Variants in SORBS2 observed in about 807,000 individuals in gnomAD.
SORBS2 encodes sorbin and SH3 domain-containing protein 2.
A neutral mutation model predicts 97.7 loss-of-function variants in SORBS2; 46 were observed. The observed-to-expected ratio is 0.47, with a 90% CI of 0.37 to 0.60. The LOEUF is 0.60. Ranked by LOEUF, SORBS2 falls within the 20% of genes least tolerant of loss-of-function variation. SORBS2 has a pLI of 0.00. For missense variants in SORBS2, 1,316 were observed against 1,282.3 expected, an observed-to-expected ratio of 1.03 and a Z score of -0.40; for synonymous variants, 476 against 473.4, an observed-to-expected ratio of 1.01 and a Z score of -0.07.
At chr4:185,911,285 T>C (rs1013357451) in intron 1 of SORBS2, among the ~76,000 whole-genome samples, 3 of 152,200 alleles carry the variant, frequency 2.0e-5, no homozygotes, top group Non-Finnish European at 4.4e-5. Flanking sequence ...TGGAGTGCAG[T>C]GGCATGATCA....
chr4:185,841,103 G>A (rs2153677605), intron 1 of SORBS2, among the ~76,000 whole-genome samples: 1 of 152,328 alleles, frequency 6.6e-6, no homozygotes, highest in Non-Finnish European at 1.5e-5. Context: ...GTGCGGCATT[G>A]CGGAAGAACA....
intron 1 of SORBS2, among the ~76,000 whole-genome samples, chr4:185,899,771 G>A (rs2099246713): frequency 6.6e-6 from 1 of 152,208 alleles, no homozygotes; most frequent in Admixed American, 6.5e-5. Flanking sequence ...AGCCCAACGA[G>A]TATTATACCT....
At chr4:185,891,954 C>G (rs1003350831) in intron 1 of SORBS2, among the ~76,000 whole-genome samples, 7 of 152,110 alleles carry the variant, frequency 4.6e-5, no homozygotes, top group African/African-American at 1.2e-4. Context: ...CCTGCCTCAG[C>G]CTCGTGAACA....
intron 1 of SORBS2, among the ~76,000 whole-genome samples, chr4:185,799,734 C>G (rs1044433902): frequency 6.6e-6 from 1 of 152,286 alleles, no homozygotes; most frequent in African/African-American, 2.4e-5. Flanking sequence ...ACCTTCTTTG[C>G]GTCAGATGCA....
rs185292976 is a variant in SORBS2, at chr4:185,631,255, C to T, written c.397-657G>A. Among the ~76,000 whole-genome samples, 26 of 152,316 alleles carry T rather than the reference C, an allele frequency of 1.7e-4. 1 individual carries two copies. The highest frequency in any genetic ancestry group is 1.6e-3 in the Admixed American group (25 of 15,300). ...TCAGGGCTAGTTTAAAATAAATGAG[C>T]TAATGAAGCAAAATATAACTTTTTT... On this transcript the variant is annotated intron_variant, in intron 4 of 14. Coordinates refer to ENST00000418609, the Ensembl canonical transcript of SORBS2.
chr4:185,653,825 G>A (rs2097352468), intron 1 of SORBS2, among the ~76,000 whole-genome samples: 1 of 152,182 alleles, frequency 6.6e-6, no homozygotes, highest in South Asian at 2.1e-4. Context: ...AACTCTCTGA[G>A]AGCTACCTGG....
intron 4 of SORBS2, among the ~76,000 whole-genome samples, chr4:185,670,017 T>A (rs563065004): frequency 9.1e-4 from 139 of 152,046 alleles, no homozygotes; most frequent in African/African-American, 3.3e-3. Flanking sequence ...TCAGGAGTTC[T>A]AGACCAGCCT....
chr4:185,902,731 T>C (rs2099248404), intron 1 of SORBS2, among the ~76,000 whole-genome samples: 1 of 151,918 alleles, frequency 6.6e-6, no homozygotes, highest in African/African-American at 2.4e-5. Context: ...ACATGCATGT[T>C]CAGTCCTGAT....
In SORBS2 at chr4:185,662,206, C is replaced by A. The variant is rs201256597; in HGVS notation, c.-9G>T. On this transcript the variant is annotated 5_prime_UTR_variant, in exon 5 of 21. Transcript: ENST00000284776. The stretch of plus-strand genomic sequence containing the variant: ...CTCTGATAGTAACTCATGGGACTCA[C>A]GGCACCTCCTGAGTTTCCATTCACT... 2.4e-4 allele frequency: 385 copies of A among 1,613,096 alleles called. 1 individual carries two copies. The highest frequency in any genetic ancestry group is 3.0e-4 in the Non-Finnish European group (353 of 1,179,694).
chr4:185,734,630 G>A (rs968525836), intron 2 of SORBS2, among the ~76,000 whole-genome samples: 17 of 152,192 alleles, frequency 1.1e-4, no homozygotes, highest in Admixed American at 2.6e-4. Flanking sequence ...CGCATCTGCC[G>A]TTCCCACCTC....
intron 2 of SORBS2, among the ~76,000 whole-genome samples, chr4:185,743,924 TTCC>T (rs917427710): frequency 4.1e-5 from 6 of 145,124 alleles, no homozygotes; most frequent in African/African-American, 1.3e-4. Flanking sequence ...TCTATTTTCT[TTCC>T]TCCTCCTCCT....
At chr4:185,820,038 T>C (rs2153670255) in intron 1 of SORBS2, among the ~76,000 whole-genome samples, 1 of 152,242 alleles carries the variant, frequency 6.6e-6, no homozygotes, top group Non-Finnish European at 1.5e-5. Flanking sequence ...AAAAGGGTAT[T>C]AGGTATTATC....
At chr4:185,899,122 A>G (rs1243982255) in intron 1 of SORBS2, among the ~76,000 whole-genome samples, 1 of 152,172 alleles carries the variant, frequency 6.6e-6, no homozygotes, top group Non-Finnish European at 1.5e-5. Context: ...CCTCTGACAG[A>G]GTGCTCACAG....
chr4:185,717,756 T>G (rs968912503), intron 2 of SORBS2, among the ~76,000 whole-genome samples: 1 of 152,194 alleles, frequency 6.6e-6, no homozygotes, highest in Non-Finnish European at 1.5e-5. Flanking sequence ...AGACAATTCT[T>G]TTTCCGTGAC....
At chr4:185,624,477 T>C (rs2096776148) in exon 7 of SORBS2, 1 of 1,605,062 alleles carries the variant, frequency 6.2e-7, no homozygotes, top group Non-Finnish European at 8.5e-7. Flanking sequence ...GATGGACATA[T>C]TTTGCTATCA....
At chr4:185,825,856 A>G (rs1237903113) in intron 1 of SORBS2, among the ~76,000 whole-genome samples, 1 of 152,298 alleles carries the variant, frequency 6.6e-6, no homozygotes, top group Non-Finnish European at 1.5e-5. Flanking sequence ...TGTGAAGAAA[A>G]GAAGAATGGT....
intron 9 of SORBS2, among the ~76,000 whole-genome samples, chr4:185,616,037 G>T (rs868655525): frequency 6.6e-6 from 1 of 152,000 alleles, no homozygotes; most frequent in Non-Finnish European, 1.5e-5. Flanking sequence ...TTTTGCCTCC[G>T]CAATTATTCT....
intron 1 of SORBS2, among the ~76,000 whole-genome samples, chr4:185,888,267 C>T (rs1357238769): frequency 6.6e-6 from 1 of 151,932 alleles, no homozygotes; most frequent in Non-Finnish European, 1.5e-5. Context: ...TGTGATTATC[C>T]TGGATTATCT....
At chr4:185,729,830 G>A (rs72702089) in intron 2 of SORBS2, among the ~76,000 whole-genome samples, 5 of 152,040 alleles carry the variant, frequency 3.3e-5, no homozygotes, top group Non-Finnish European at 7.4e-5. Flanking sequence ...AATATAACAC[G>A]CAGTGTAGAA....
Sources: allele counts gnomAD v4.1 joint callset (sites outside exome capture counted in the v4.1 genomes callset), GRCh38; gene constraint gnomAD v4.1.1; transcripts MANE v1.5; gene names NCBI Gene and HGNC (gene_info 2026-07-23, HGNC 2026-07-21).